MYRIP: variants seen among roughly 807,000 people sequenced by gnomAD.
MYRIP encodes the protein myosin VIIA and Rab interacting protein, also known as rab effector MyRIP.
Under a neutral mutation model 98.0 loss-of-function variants are expected in MYRIP, and 49 were observed. The observed-to-expected ratio is 0.50, with a 90% confidence interval of 0.40 to 0.63. The LOEUF (loss-of-function observed/expected upper bound fraction) is 0.63, where lower values mean the gene tolerates loss of function less well. Among genes scored for constraint, MYRIP ranks in the 30% least tolerant of loss-of-function variants. MYRIP has a pLI of 0.00. For missense variants in MYRIP, 1,004 were observed against 1,058.2 expected (o/e 0.95, Z 0.71); for synonymous variants, 404 against 409.5 (o/e 0.99, Z 0.16).
At chr3:39,870,418 T>G (rs975983776) in intron 1 of MYRIP, among the ~76,000 whole-genome samples, 1 of 152,354 alleles carries the variant, frequency 6.6e-6, no homozygotes, top group East Asian at 1.9e-4. Context: ...AATTCTCAAA[T>G]GATACAAATA....
At chr3:40,038,247 A>G (rs1366881353) in intron 2 of MYRIP, among the ~76,000 whole-genome samples, 1 of 152,206 alleles carries the variant, frequency 6.6e-6, no homozygotes, top group Non-Finnish European at 1.5e-5. Flanking sequence ...GCAAGGTACA[A>G]CAAAAATGAT....
intron 1 of MYRIP, among the ~76,000 whole-genome samples, chr3:39,865,500 A>G (rs1043007069): frequency 2.6e-5 from 4 of 152,144 alleles, no homozygotes; most frequent in Non-Finnish European, 5.9e-5. Context: ...ACAATCCCAT[A>G]AAAGGTAGGC....
intron 3 of MYRIP, among the ~76,000 whole-genome samples, chr3:40,098,739 A>G (rs1235872857): frequency 1.1e-4 from 3 of 28,290 alleles, no homozygotes; most frequent in East Asian, 8.9e-4. Flanking sequence ...TGTCTCTCTC[A>G]TTGTGTGTGT....
At chr3:40,219,583 T>C (rs1441016188) in intron 11 of MYRIP, among the ~76,000 whole-genome samples, 1 of 150,590 alleles carries the variant, frequency 6.6e-6, no homozygotes, top group Admixed American at 6.6e-5. Context: ...GAACATGCGG[T>C]GTTTGGTTTT....
At chr3:39,887,961 C>A (rs1354937693) in intron 1 of MYRIP, among the ~76,000 whole-genome samples, 2 of 150,910 alleles carry the variant, frequency 1.3e-5, no homozygotes, top group Non-Finnish European at 2.9e-5. Flanking sequence ...CCTAGGAATC[C>A]AACTTACAAG....
intron 10 of MYRIP, among the ~76,000 whole-genome samples, chr3:40,209,635 C>CT (rs1028107552): frequency 4.6e-5 from 7 of 151,930 alleles, no homozygotes; most frequent in African/African-American, 1.7e-4. Context: ...AATTCAAACA[C>CT]TTTTTTGAGT....
Position 40,162,870 on chromosome 3 carries a change from G to A in MYRIP, c.550+60G>A, listed in dbSNP as rs777562557. 218 of 1,477,194 alleles carry A rather than the reference G, an allele frequency of 1.5e-4. 2 individuals are homozygous for A. Among genetic ancestry groups the A allele is most frequent in the South Asian group, 1.0e-3 (90 of 87,646 alleles). 91.5% of individuals were successfully genotyped at this position (1,477,194 alleles called of 1,614,324 possible). A position where few individuals can be genotyped will look rare whatever the true frequency, so the allele number is the denominator to read the frequency against. On this transcript the variant is annotated intron_variant, in intron 5 of 16. Coordinates refer to ENST00000302541, the MANE Select transcript of MYRIP (RefSeq NM_015460.4). ...GTTGGAGTAATAGAAACACCTACAG[G>A]TACAGGTACTGCCAGGGTCCCCCAG...
intron 2 of MYRIP, among the ~76,000 whole-genome samples, chr3:39,942,914 T>G (rs1178075790): frequency 6.6e-6 from 1 of 152,176 alleles, no homozygotes; most frequent in East Asian, 1.9e-4. Flanking sequence ...GCATGCAACA[T>G]TTATTTTCCT....
At chr3:39,859,581 G>T (rs1315581889) in intron 1 of MYRIP, among the ~76,000 whole-genome samples, 2 of 152,134 alleles carry the variant, frequency 1.3e-5, no homozygotes, top group Non-Finnish European at 2.9e-5. Flanking sequence ...GAAAATCGCA[G>T]AAGAATAACT....
chr3:40,129,636 C>A (rs920718351), intron 3 of MYRIP, among the ~76,000 whole-genome samples: 1 of 151,940 alleles, frequency 6.6e-6, no homozygotes, highest in Admixed American at 6.6e-5. Flanking sequence ...GTCTGAGAAC[C>A]ACACTGGGAA....
intron 2 of MYRIP, among the ~76,000 whole-genome samples, chr3:40,001,770 C>T (rs565066041): frequency 2.0e-5 from 3 of 152,208 alleles, no homozygotes; most frequent in Non-Finnish European, 4.4e-5. Flanking sequence ...CTAGAATGGA[C>T]CAGGGAAGAG....
chr3:40,124,827 C>A (rs1404382039), intron 3 of MYRIP, among the ~76,000 whole-genome samples: 1 of 152,202 alleles, frequency 6.6e-6, no homozygotes, highest in Non-Finnish European at 1.5e-5. Flanking sequence ...AGCAGGCATT[C>A]TTAAGTGGCT....
chr3:40,044,334 C>T (rs1021503300), intron 3 of MYRIP, 63 bp downstream of exon 3: 1 of 1,491,692 alleles, frequency 6.7e-7, no homozygotes, highest in Non-Finnish European at 9.3e-7. Flanking sequence ...CCTGCCACTT[C>T]CTTCAGTCAG....
intron 3 of MYRIP, among the ~76,000 whole-genome samples, chr3:40,051,491 A>C (rs1947792959): frequency 6.6e-6 from 1 of 152,186 alleles, no homozygotes; most frequent in Non-Finnish European, 1.5e-5. Flanking sequence ...TTAATAGACT[A>C]CAGTATAGTC....
At chr3:40,240,781 G>C (rs1952985202) in intron 12 of MYRIP, among the ~76,000 whole-genome samples, 1 of 152,142 alleles carries the variant, frequency 6.6e-6, no homozygotes, top group East Asian at 1.9e-4. Context: ...GCCTTGGTCT[G>C]TAGGTATTTT....
At chr3:40,255,993 C>G (rs1484209725) in intron 16 of MYRIP, among the ~76,000 whole-genome samples, 1 of 152,144 alleles carries the variant, frequency 6.6e-6, no homozygotes, top group Non-Finnish European at 1.5e-5. Context: ...GCAGTGCTGT[C>G]TAATAGAACT....
intron 1 of MYRIP, among the ~76,000 whole-genome samples, chr3:39,891,285 G>C (rs566908235): frequency 6.6e-6 from 1 of 151,906 alleles, no homozygotes; most frequent in Admixed American, 6.6e-5. Flanking sequence ...ATTCTAAACA[G>C]AAATATAGGC....
chr3:39,966,960 C>T (rs1345464977), intron 2 of MYRIP, among the ~76,000 whole-genome samples: 1 of 152,196 alleles, frequency 6.6e-6, no homozygotes, highest in African/African-American at 2.4e-5. Context: ...ATGCCCTTCA[C>T]TCACATTATA....
At chr3:40,073,841 G>A (rs565049501) in intron 3 of MYRIP, among the ~76,000 whole-genome samples, 5 of 152,308 alleles carry the variant, frequency 3.3e-5, no homozygotes, top group African/African-American at 4.8e-5. Context: ...GCCCCCAGGG[G>A]CTCCCCCTAC....
Sources: allele counts gnomAD v4.1 joint callset (sites outside exome capture counted in the v4.1 genomes callset), GRCh38; gene constraint gnomAD v4.1.1; transcripts MANE v1.5; gene names NCBI Gene and HGNC (gene_info 2026-07-23, HGNC 2026-07-21).